The following LMOD3 variants were observed in gnomAD, a reference collection of about 807,000 sequenced individuals.
LMOD3 encodes leiomodin 3.
LMOD3 carries 31 observed loss-of-function variants against 41.8 expected under a neutral mutation model. That is an observed-to-expected ratio of 0.74 (90% confidence interval 0.56 to 1.00). The LOEUF is 1.00. Among genes scored for constraint, LMOD3 ranks in the 50% least tolerant of loss-of-function variants. LMOD3 has a pLI of 0.00. For synonymous variants in LMOD3, 292 were observed against 241.9 expected, an observed-to-expected ratio of 1.21 and a Z score of -1.92; for missense variants, 755 against 679.5, an observed-to-expected ratio of 1.11 and a Z score of -1.23.
At position 69,108,610 on chromosome 3, in the gene LMOD3, A is replaced by G. The variant is rs2092333667; in HGVS notation, c.*485T>C. ...TCCATTTCAAAGCATCAGAAGGGCCAGGAGCTCAATTCATCCTTCACATTT... is the reference window on the plus strand; with the variant it reads ...TCCATTTCAAAGCATCAGAAGGGCCGGGAGCTCAATTCATCCTTCACATTT... On this transcript the variant is annotated 3_prime_UTR_variant, in exon 3 of 3. Transcript: ENST00000420581. 1 of 153,062 alleles carries G rather than the reference A, an allele frequency of 6.5e-6. No homozygotes were observed. 9.5% of individuals were successfully genotyped at this position (153,062 alleles called of 1,614,324 possible).
At position 69,106,814 on chromosome 3, in the gene LMOD3, G is replaced by A. The variant is rs1292598541; in HGVS notation, c.*2281C>T. On this transcript the variant is annotated 3_prime_UTR_variant, in exon 3 of 3. Coordinates refer to ENST00000420581, the MANE Select transcript of LMOD3 (RefSeq NM_198271.5). ...TTCAGGTGATTCTCCTGCCTCCCAA[G>A]TAGCTGGGATTACAGGCATGAGCTA... is the stretch of plus-strand genomic sequence containing the variant. 1 of 146,144 alleles carries A rather than the reference G, an allele frequency of 6.8e-6. No individual in the cohort carries two copies. Among genetic ancestry groups the A allele is most frequent in the Non-Finnish European group, 1.5e-5 (1 of 67,150 alleles). The allele number at this position is 146,144 out of a possible 1,614,324, so 9.1% of individuals were successfully genotyped here.
rs748532243 is a variant in LMOD3 at position 69,119,007 on chromosome 3, G to C, written c.1348C>G (p.Pro450Ala). The change falls in exon 2 of 3, where the codon CCG becomes GCG. Residue 450 changes from proline (P) to alanine (A), a missense_variant. Physicochemically the swap from Pro to Ala is conservative, Grantham distance 27 (BLOSUM62 -1). Transcript: ENST00000420581. ...DSRMQEFFQPPPPRPPNPQNV... is the reference protein window; with the variant it reads ...DSRMQEFFQPAPPRPPNPQNV... Reference sequence around the variant, plus strand: ...TGGGGGTTGGGAGGCCGAGGTGGCGGTGGCTGGAAGAATTCCTGCATTCTG... The same window carrying C: ...TGGGGGTTGGGAGGCCGAGGTGGCGCTGGCTGGAAGAATTCCTGCATTCTG... 10 of 1,613,526 alleles carry C rather than the reference G, an allele frequency of 6.2e-6. No individual in the cohort carries two copies. Among genetic ancestry groups the C allele is most frequent in the Non-Finnish European group, 1.7e-6 (2 of 1,179,846 alleles).
At position 69,122,434 on chromosome 3, in the gene LMOD3, T is replaced by C. The variant is rs1453169831; in HGVS notation, c.-48A>G. 3 of 1,373,342 alleles carry C rather than the reference T, an allele frequency of 2.2e-6. No individual in the cohort carries two copies. In the South Asian group the frequency reaches 4.3e-5, roughly 20 times the overall value. The allele number at this position is 1,373,342 out of a possible 1,614,324, so 85.1% of individuals were successfully genotyped here. A position where few individuals can be genotyped will look rare whatever the true frequency, so the allele number is the denominator to read the frequency against. ...ACTAGAAAAGAAGAATAATCAAAGA[T>C]GATTTTTAAAAAGAAGGAAAAAAGC... On this transcript the variant is annotated 5_prime_UTR_variant, in exon 1 of 3. Coordinates refer to ENST00000420581, the MANE Select transcript of LMOD3 (RefSeq NM_198271.5).
intron 2 of LMOD3, among the ~76,000 whole-genome samples, chr3:69,109,544 T>C (rs866433784): frequency 6.8e-5 from 10 of 147,956 alleles, no homozygotes; most frequent in South Asian, 2.2e-4. Context: ...TTTTTTTTTT[T>C]TGAGATGGAG....
chr3:69,116,869 T>C (rs1362043716), intron 2 of LMOD3, among the ~76,000 whole-genome samples: 1 of 152,216 alleles, frequency 6.6e-6, no homozygotes, highest in Non-Finnish European at 1.5e-5. Flanking sequence ...TTGGTTCAGA[T>C]GCTCTTCTGA....
intron 2 of LMOD3, among the ~76,000 whole-genome samples, chr3:69,118,406 T>TG (rs774999594): frequency 3.3e-5 from 5 of 152,180 alleles, no homozygotes; most frequent in South Asian, 2.1e-4. Flanking sequence ...GTTAGTAAGA[T>TG]GATTACATGA....
Position 69,119,216 on chromosome 3 carries a change from G to C in LMOD3, c.1139C>G (p.Pro380Arg). The change falls in exon 2 of 3, where the codon CCG (proline) becomes CGG (arginine). Residue 380 changes from proline (P) to arginine (R), a missense_variant. Coordinates refer to ENST00000420581, the MANE Select transcript of LMOD3 (RefSeq NM_198271.5). The part of the protein sequence containing the change: ...LLKMGYHFEL[P>R]GPRMVVTNLL... The stretch of plus-strand genomic sequence containing the variant: ...ATTAGTGACCACCATTCTGGGACCC[G>C]GAAGCTCAAAATGGTAGCCCATCTT... 6.2e-7 allele frequency: 1 copy of C among 1,613,630 alleles called. No individual in the cohort carries two copies. Among genetic ancestry groups the C allele is most frequent in the South Asian group, 1.1e-5 (1 of 90,992 alleles).
intron 2 of LMOD3, among the ~76,000 whole-genome samples, chr3:69,109,365 T>A (rs1173234268): frequency 6.6e-6 from 1 of 151,962 alleles, no homozygotes; most frequent in Non-Finnish European, 1.5e-5. Context: ...ATCATGGAAA[T>A]AAGAGGGCGG....
At chr3:69,120,155 A>G in intron 1 of LMOD3, 95 bp from the exon 2 acceptor site, 1 of 1,363,530 alleles carries the variant, frequency 7.3e-7, no homozygotes, top group Non-Finnish European at 9.6e-7. Flanking sequence ...GCTTATTTAA[A>G]AGAGCTGGTT....
In LMOD3 at chr3:69,122,152, T is replaced by A. The variant is rs766232979; in HGVS notation, c.235A>T (p.Lys79Ter). 6.2e-6 allele frequency: 10 copies of A among 1,612,834 alleles called. No homozygotes were observed. The South Asian group carries it at 9.9e-5, about 16-fold the overall frequency. Reference protein sequence around the residue: ...KSLVDYMYWEKASRRMLEEER... With the variant: ...KSLVDYMYWE Reference sequence around the variant, plus strand: ...TCTTCCAGCATGCGCCTGGATGCCTTTTCCCAATACATATAATCAACAAGA... The same window carrying A: ...TCTTCCAGCATGCGCCTGGATGCCTATTCCCAATACATATAATCAACAAGA... Residue 79 changes from lysine (K) to a stop codon, truncating the protein, a stop_gained, in exon 1 of 3, where the codon AAG becomes TAG. Coordinates refer to ENST00000420581, the MANE Select transcript of LMOD3 (RefSeq NM_198271.5). LOFTEE classifies it high-confidence loss of function.
chr3:69,110,387 G>A (rs1227588356), intron 2 of LMOD3, among the ~76,000 whole-genome samples: 3 of 151,454 alleles, frequency 2.0e-5, no homozygotes, highest in East Asian at 2.0e-4. Flanking sequence ...ATGCCACCAC[G>A]CCCAGCTAAT....
At chr3:69,116,983 A>G (rs1380848347) in intron 2 of LMOD3, among the ~76,000 whole-genome samples, 2 of 152,220 alleles carry the variant, frequency 1.3e-5, no homozygotes, top group African/African-American at 4.8e-5. Context: ...CTGAATGTAC[A>G]GCCACCAAGG....
chr3:69,113,665 G>A (rs1352047408), intron 2 of LMOD3, among the ~76,000 whole-genome samples: 2 of 152,230 alleles, frequency 1.3e-5, no homozygotes, highest in African/African-American at 4.8e-5. Flanking sequence ...TAAGCCTGAA[G>A]TGAAATTGAG....
chr3:69,110,853 A>AAAAAAAAAAAAAAATATATATAT (rs1458630453), intron 2 of LMOD3, among the ~76,000 whole-genome samples: 1 of 104,168 alleles, frequency 9.6e-6, no homozygotes, highest in East Asian at 4.2e-4. Flanking sequence ...AAAAAAAAAA[A>AAAAAAAAAAAAAAATATATATAT]ATATATATAT....
intron 2 of LMOD3, among the ~76,000 whole-genome samples, chr3:69,112,979 T>C (rs1208470395): frequency 1.3e-5 from 2 of 152,364 alleles, no homozygotes; most frequent in Admixed American, 1.3e-4. Context: ...ATACGTGCTC[T>C]TGATGAGCTT....
In LMOD3 at chr3:69,122,222, T is replaced by C. The variant is rs1232188754; in HGVS notation, c.165A>G (p.Lys55=). 6.2e-7 allele frequency: 1 copy of C among 1,613,496 alleles called. No homozygotes were observed. The highest frequency in any genetic ancestry group is 2.2e-5 in the East Asian group (1 of 44,838). The change falls in exon 1 of 3, where the codon AAA becomes AAG. Residue 55 remains lysine (K), a synonymous_variant. Coordinates refer to ENST00000420581, the MANE Select transcript of LMOD3 (RefSeq NM_198271.5). ...CTGTCGGTGGCTTGTCAGTTTGATC[T>C]TTCTGAATCATTCCCACGGGAAGGC... ...DPSLPVGMIQ[K]DQTDKPPTGN...
rs1251481301 is a variant in LMOD3, at chr3:69,107,371, G to A, written c.*1724C>T. 6 of 140,546 alleles carry A rather than the reference G, an allele frequency of 4.3e-5. No individual in the cohort carries two copies. The East Asian group carries it at 1.3e-3, about 30-fold the overall frequency. 8.7% of individuals were successfully genotyped at this position (140,546 alleles called of 1,614,324 possible). ...CCCTAGCCTGTTTGGTTTGATACAT[G>A]CCACTTATGATAACATAAAAGGAGA... On this transcript the variant is annotated 3_prime_UTR_variant, in exon 3 of 3. Coordinates refer to ENST00000420581, the MANE Select transcript of LMOD3 (RefSeq NM_198271.5).
intron 2 of LMOD3, among the ~76,000 whole-genome samples, chr3:69,112,476 G>A (rs1257940777): frequency 1.3e-5 from 2 of 152,230 alleles, no homozygotes; most frequent in African/African-American, 2.4e-5. Flanking sequence ...TGTGGGAGGT[G>A]CTATAAAAGA....
At chr3:69,115,253 G>A (rs992648674) in intron 2 of LMOD3, among the ~76,000 whole-genome samples, 6 of 152,086 alleles carry the variant, frequency 3.9e-5, no homozygotes, top group South Asian at 4.1e-4. Flanking sequence ...AGGCTGAAGC[G>A]GAAGGATCAC....
Sources: gnomAD v4.1 joint callset for allele counts (sites outside exome capture counted in the v4.1 genomes callset) on GRCh38, gnomAD v4.1.1 for gene constraint, MANE v1.5 for transcripts, NCBI Gene and HGNC (gene_info 2026-07-23, HGNC 2026-07-21) for gene names.